ROBO2: variants seen among roughly 807,000 people sequenced by gnomAD.
The protein encoded by ROBO2 is roundabout homolog 2.
Under a neutral mutation model 160.8 loss-of-function variants are expected in ROBO2, and 53 were observed. The ratio of observed to expected loss-of-function variants is 0.33; its 90% CI spans 0.26 to 0.41. ROBO2 has a LOEUF of 0.41. Among genes scored for constraint, ROBO2 ranks in the 10% least tolerant of loss-of-function variants. The pLI is 1.00. For synonymous variants in ROBO2, 664 were observed against 611.7 expected, an observed-to-expected ratio of 1.09 and a Z score of -1.26; for missense variants, 1,577 against 1,722.4, an observed-to-expected ratio of 0.92 and a Z score of 1.49.
At chr3:76,606,347 C>T (rs771669281) in intron 2 of ROBO2, among the ~76,000 whole-genome samples, 22 of 152,150 alleles carry the variant, frequency 1.4e-4, no homozygotes, top group Non-Finnish European at 3.1e-4. Flanking sequence ...GAACAAAACA[C>T]TCCAAAGATG....
chr3:76,217,125 G>A (rs1445434589), intron 2 of ROBO2, among the ~76,000 whole-genome samples: 1 of 152,090 alleles, frequency 6.6e-6, no homozygotes, highest in Non-Finnish European at 1.5e-5. Flanking sequence ...GAACAAAGAA[G>A]ACACAACATA....
exon 26 of ROBO2, chr3:77,646,360 A>C (rs1199427855): frequency 1.4e-5 from 4 of 291,406 alleles, no homozygotes; most frequent in Non-Finnish European, 2.5e-5. Context: ...ATTGCTATGC[A>C]AGCTCACTCT....
intron 2 of ROBO2, among the ~76,000 whole-genome samples, chr3:75,973,765 T>G (rs62267176): frequency 0.26 from 39,514 of 151,482 alleles, 6,291 homozygotes; most frequent in East Asian, 0.37. Flanking sequence ...GCAGAGGGAA[T>G]GGGTGATACG....
At chr3:77,382,319 T>A (rs998003444) in intron 2 of ROBO2, among the ~76,000 whole-genome samples, 30 of 151,182 alleles carry the variant, frequency 2.0e-4, no homozygotes, top group African/African-American at 7.3e-4. Context: ...CTAAATTACA[T>A]CGTTGAAATA....
chr3:76,753,757 C>T (rs1294473867), intron 2 of ROBO2, among the ~76,000 whole-genome samples: 1 of 149,832 alleles, frequency 6.7e-6, no homozygotes, highest in African/African-American at 2.5e-5. Context: ...AAAATTTCCC[C>T]TGTCTCAATT....
At chr3:76,639,825 C>T (rs2090555615) in intron 2 of ROBO2, among the ~76,000 whole-genome samples, 1 of 152,178 alleles carries the variant, frequency 6.6e-6, no homozygotes, top group Non-Finnish European at 1.5e-5. Context: ...TTTCCCCACA[C>T]ATTTAAAAGC....
intron 2 of ROBO2, among the ~76,000 whole-genome samples, chr3:76,078,760 A>G (rs928162871): frequency 1.3e-5 from 2 of 152,160 alleles, no homozygotes; most frequent in African/African-American, 4.8e-5. Flanking sequence ...AGCTTGCCAT[A>G]TGTAATTGGA....
intron 11 of ROBO2, chr3:77,564,513 C>T (rs929187699): frequency 1.1e-5 from 5 of 453,618 alleles, no homozygotes; most frequent in African/African-American, 1.0e-4. Context: ...GAAAACACAC[C>T]TTGTAACAGG....
chr3:76,605,852 T>C lies in ROBO2; in HGVS notation c.110-492162T>C, dbSNP rs1370277330. Among the ~76,000 whole-genome samples the C allele has an allele frequency of 2.6e-5, 4 of 152,138 alleles. No individual in the cohort carries two copies. In the East Asian group the frequency reaches 7.7e-4, roughly 29 times the overall value. The stretch of plus-strand genomic sequence containing the variant: ...CTGGGAGAAAATACACTTTGGAAGA[T>C]TTACTTTGCTTCATTACAGAGAACC... On this transcript the variant is annotated intron_variant, in intron 2 of 26. Coordinates refer to the ROBO2 transcript ENST00000487694.
intron 2 of ROBO2, among the ~76,000 whole-genome samples, chr3:77,277,173 T>TTTC (rs1553882910): frequency 7.2e-5 from 7 of 96,944 alleles, no homozygotes; most frequent in African/African-American, 3.4e-4. Context: ...TCTTTCTTTC[T>TTTC]TTCTTTCTTT....
intron 2 of ROBO2, among the ~76,000 whole-genome samples, chr3:76,914,716 C>T (rs1264506597): frequency 6.6e-6 from 1 of 152,068 alleles, no homozygotes; most frequent in Non-Finnish European, 1.5e-5. Flanking sequence ...CTACTTTTGA[C>T]TACACCAAGA....
intron 6 of ROBO2, among the ~76,000 whole-genome samples, chr3:77,543,933 A>C (rs1444820494): frequency 6.6e-6 from 1 of 152,098 alleles, no homozygotes; most frequent in Non-Finnish European, 1.5e-5. Context: ...TTGAGTTTTT[A>C]ATAATTTTCG....
At chr3:76,230,271 A>G (rs1704542250) in intron 2 of ROBO2, among the ~76,000 whole-genome samples, 1 of 152,030 alleles carries the variant, frequency 6.6e-6, no homozygotes. Context: ...CATAGCTTCA[A>G]AGGCTCTCTC....
intron 2 of ROBO2, among the ~76,000 whole-genome samples, chr3:76,653,910 C>T (rs934056985): frequency 6.6e-6 from 1 of 152,018 alleles, no homozygotes; most frequent in African/African-American, 2.4e-5. Flanking sequence ...ATCTGGATCT[C>T]CTCTTACCTT....
chr3:77,247,355 C>A (rs771364058), intron 2 of ROBO2, among the ~76,000 whole-genome samples: 1 of 152,034 alleles, frequency 6.6e-6, no homozygotes, highest in African/African-American at 2.4e-5. Context: ...ATTTATGTGG[C>A]GAGGGAGAGG....
chr3:76,755,494 A>G (rs2060918722), intron 2 of ROBO2, among the ~76,000 whole-genome samples: 2 of 151,816 alleles, frequency 1.3e-5, no homozygotes, highest in Admixed American at 1.3e-4. Flanking sequence ...AGAAAGAGAT[A>G]CTTAAAGCGT....
intron 2 of ROBO2, among the ~76,000 whole-genome samples, chr3:76,544,001 T>G (rs2082955554): frequency 6.6e-6 from 1 of 151,978 alleles, no homozygotes; most frequent in South Asian, 2.1e-4. Context: ...CTTCTAATAC[T>G]CCTCCCACTG....
chr3:76,088,379 G>T (rs2069100575), intron 2 of ROBO2, among the ~76,000 whole-genome samples: 1 of 151,946 alleles, frequency 6.6e-6, no homozygotes, highest in Non-Finnish European at 1.5e-5. Flanking sequence ...GGATGTAATC[G>T]ACGTATAGAC....
intron 2 of ROBO2, among the ~76,000 whole-genome samples, chr3:76,087,659 T>C (rs1023129587): frequency 6.6e-6 from 1 of 152,180 alleles, no homozygotes; most frequent in Middle Eastern, 3.4e-3. Flanking sequence ...TAACAGTTTA[T>C]TCAAAATAAT....
Sources: gnomAD v4.1 joint callset for allele counts (sites outside exome capture counted in the v4.1 genomes callset) on GRCh38, gnomAD v4.1.1 for gene constraint, MANE v1.5 for transcripts, NCBI Gene and HGNC (gene_info 2026-07-23, HGNC 2026-07-21) for gene names.